The following INPP5D variants were observed in gnomAD, a reference collection of about 807,000 sequenced individuals.
The protein encoded by INPP5D is phosphatidylinositol 3,4,5-trisphosphate 5-phosphatase 1.
In INPP5D, 33 loss-of-function variants were observed where a neutral mutation model predicts 122.9. The ratio of observed to expected loss-of-function variants is 0.27; its 90% CI spans 0.20 to 0.36. The LOEUF (loss-of-function observed/expected upper bound fraction) is 0.36, where lower values mean the gene tolerates loss of function less well. Among genes scored for constraint, INPP5D ranks in the 10% least tolerant of loss-of-function variants. INPP5D has a pLI of 1.00. For missense variants in INPP5D, 1,053 were observed against 1,412.7 expected (o/e 0.75, Z 4.08); for synonymous variants, 584 against 576.2 (o/e 1.01, Z -0.19).
At chr2:233,125,683 C>A in intron 3 of INPP5D, 62 bp from the exon 4 acceptor site, 1 of 1,468,812 alleles carries the variant, frequency 6.8e-7, no homozygotes, top group Non-Finnish European at 9.3e-7. Flanking sequence ...CATGGGGCTG[C>A]GGTGAAGGCC....
intron 5 of INPP5D, among the ~76,000 whole-genome samples, chr2:233,139,630 C>G (rs1304367160): frequency 1.3e-5 from 2 of 152,210 alleles, no homozygotes; most frequent in African/African-American, 4.8e-5. Flanking sequence ...ACAGTCAGGA[C>G]TACACAATTC....
At chr2:233,149,598 C>T (rs1394203043) in intron 9 of INPP5D, among the ~76,000 whole-genome samples, 1 of 152,106 alleles carries the variant, frequency 6.6e-6, no homozygotes, top group Non-Finnish European at 1.5e-5. Context: ...CCTTCCTGCA[C>T]CTGCCATTGC....
chr2:233,181,697 G>A (rs186354439), intron 18 of INPP5D, among the ~76,000 whole-genome samples: 11 of 152,212 alleles, frequency 7.2e-5, no homozygotes, highest in Admixed American at 5.9e-4. Flanking sequence ...ACTCTCTCCC[G>A]GTTCTATGAG....
chr2:233,149,795 A>C (rs149122068), intron 9 of INPP5D, among the ~76,000 whole-genome samples: 2,308 of 152,132 alleles, frequency 0.015, 54 homozygotes, highest in African/African-American at 0.053. Flanking sequence ...TCCAGCAGGG[A>C]TAGTAGCAGC....
chr2:233,204,954 C>T, intron 26 of INPP5D: 1 of 577,780 alleles, frequency 1.7e-6, no homozygotes, highest in Non-Finnish European at 2.8e-6. Context: ...CCTGACCCTG[C>T]ATTGCCTCTG....
rs554653868 is a variant in INPP5D, at chr2:233,087,233, C to A, written c.198+7835C>A. On this transcript the variant is annotated intron_variant, in intron 2 of 26. Transcript: ENST00000445964. ...CTTGATCACCCCAGAAAAATAGTCA[C>A]CCCACCCTTCACCTGTTGCTCTTTA... Among the ~76,000 whole-genome samples the A allele has an allele frequency of 1.8e-4, 28 of 152,302 alleles. 1 individual carries two copies. The Middle Eastern group carries it at 0.014, about 74-fold the overall frequency.
intron 2 of INPP5D, among the ~76,000 whole-genome samples, chr2:233,115,587 C>T (rs1020164715): frequency 2.6e-4 from 39 of 152,172 alleles, no homozygotes; most frequent in Non-Finnish European, 5.9e-5. Context: ...CCACAGGCAG[C>T]CCCTCTCCCC....
intron 17 of INPP5D, among the ~76,000 whole-genome samples, chr2:233,172,678 C>A (rs13385922): frequency 6.6e-6 from 1 of 151,898 alleles, no homozygotes; most frequent in Non-Finnish European, 1.5e-5. Flanking sequence ...AATAGCGATG[C>A]GTCGCTTAAC....
chr2:233,113,422 ATTGTTTTGTTT>A (rs1193591457), intron 2 of INPP5D, among the ~76,000 whole-genome samples: 4 of 147,206 alleles, frequency 2.7e-5, no homozygotes, highest in African/African-American at 8.1e-5. Context: ...GGAAGAGCTG[ATTGTTTTGTTT>A]TTGTTTTGTT....
At chr2:233,193,062 A>T (rs367714621) in intron 22 of INPP5D, among the ~76,000 whole-genome samples, 1 of 152,094 alleles carries the variant, frequency 6.6e-6, no homozygotes, top group Admixed American at 6.6e-5. Flanking sequence ...TAATTTTTGT[A>T]ATTTTTCGTA....
chr2:233,071,144 C>T (rs1370669579), intron 1 of INPP5D, among the ~76,000 whole-genome samples: 2 of 151,988 alleles, frequency 1.3e-5, no homozygotes, highest in African/African-American at 2.4e-5. Context: ...TAAAAATTAG[C>T]TTGCCGTGGT....
At chr2:233,171,365 C>A (rs899706738) in intron 17 of INPP5D, 8 of 584,378 alleles carry the variant, frequency 1.4e-5, no homozygotes, top group Non-Finnish European at 2.2e-5. Flanking sequence ...TGTGATTTAC[C>A]TTCTGTCCAG....
intron 5 of INPP5D, among the ~76,000 whole-genome samples, chr2:233,133,424 T>G (rs924046074): frequency 9.9e-5 from 15 of 152,084 alleles, no homozygotes; most frequent in Non-Finnish European, 2.2e-4. Context: ...GAAGACAGCC[T>G]GCTCAAGGAA....
chr2:233,141,263 A>C (rs949384769), intron 6 of INPP5D: 158 of 152,316 alleles, frequency 1.0e-3, no homozygotes, highest in African/African-American at 3.5e-3. Context: ...AACAGAAAAA[A>C]ACATTGAAAA....
At chr2:233,063,960 GC>G (rs1691143455) in intron 1 of INPP5D, among the ~76,000 whole-genome samples, 1 of 152,282 alleles carries the variant, frequency 6.6e-6, no homozygotes, top group South Asian at 2.1e-4. Flanking sequence ...CTCCTGCCAC[GC>G]AGGGGCCAGC....
At chr2:233,141,627 C>G (rs1693633543) in intron 6 of INPP5D, 1 of 152,012 alleles carries the variant, frequency 6.6e-6, no homozygotes, top group African/African-American at 2.4e-5. Context: ...ACATGGAGAG[C>G]TGGTGAACTG....
At chr2:233,153,052 C>A (rs1400053499) in intron 9 of INPP5D, among the ~76,000 whole-genome samples, 1 of 152,162 alleles carries the variant, frequency 6.6e-6, no homozygotes, top group East Asian at 1.9e-4. Context: ...CAAAGGTAGA[C>A]CAGCCAGCAC....
chr2:233,171,986 G>A lies in INPP5D; in HGVS notation c.1989+834G>A, dbSNP rs367682981. ...GCCCCATCTGGGCTCAGGAGAAAGT[G>A]AAGAACTGGACGTGGGAGAGGAAGG... On this transcript the variant is annotated intron_variant, in intron 17 of 26. Transcript: ENST00000445964. 1.8e-3 allele frequency among the ~76,000 whole-genome samples: 279 copies of A among 152,354 alleles called. 1 individual carries two copies. The highest frequency in any genetic ancestry group is 6.1e-3 in the African/African-American group (252 of 41,582).
intron 1 of INPP5D, among the ~76,000 whole-genome samples, chr2:233,076,595 T>C (rs1400268819): frequency 6.6e-6 from 1 of 151,630 alleles, no homozygotes; most frequent in East Asian, 1.9e-4. Context: ...CATAAAATTG[T>C]AAAACATCTA....
Sources: gnomAD v4.1 joint callset for allele counts (sites outside exome capture counted in the v4.1 genomes callset) on GRCh38, gnomAD v4.1.1 for gene constraint, MANE v1.5 for transcripts, NCBI Gene and HGNC (gene_info 2026-07-23, HGNC 2026-07-21) for gene names.